TRAPPC9: variants seen among roughly 807,000 people sequenced by gnomAD.
TRAPPC9 encodes the protein IKK2 binding protein.
TRAPPC9 carries 83 observed loss-of-function variants against 124.0 expected under a neutral mutation model. That is an observed-to-expected ratio of 0.67 (90% CI 0.56 to 0.80). The LOEUF is 0.80. Ranked by LOEUF, TRAPPC9 falls within the 30% of genes least tolerant of loss-of-function variation. The pLI is 0.00. For missense variants in TRAPPC9, 1,302 were observed against 1,508.3 expected, an observed-to-expected ratio of 0.86 and a Z score of 2.27; for synonymous variants, 638 against 617.5, an observed-to-expected ratio of 1.03 and a Z score of -0.49.
chr8:140,128,785 C>G (rs1156446243), intron 17 of TRAPPC9, among the ~76,000 whole-genome samples: 1 of 152,094 alleles, frequency 6.6e-6, no homozygotes, highest in Non-Finnish European at 1.5e-5. Flanking sequence ...AGCCATTCTG[C>G]CTCAGTTACA....
chr8:140,217,570 T>C (rs1367510686), intron 17 of TRAPPC9, among the ~76,000 whole-genome samples: 3 of 150,984 alleles, frequency 2.0e-5, no homozygotes, highest in Non-Finnish European at 4.4e-5. Flanking sequence ...CAAATAAATA[T>C]ACCCCCTACA....
At chr8:139,935,710 C>T (rs1443605072) in intron 19 of TRAPPC9, among the ~76,000 whole-genome samples, 4 of 138,632 alleles carry the variant, frequency 2.9e-5, no homozygotes, top group Non-Finnish European at 6.1e-5. Context: ...CTAAGCTCAA[C>T]TTATTTGCCG....
intron 2 of TRAPPC9, among the ~76,000 whole-genome samples, chr8:140,441,525 A>T (rs1227686101): frequency 6.6e-6 from 1 of 152,196 alleles, no homozygotes; most frequent in Non-Finnish European, 1.5e-5. Flanking sequence ...AAAGCATCCT[A>T]AAGAAGTAAA....
intron 19 of TRAPPC9, among the ~76,000 whole-genome samples, chr8:139,919,352 G>C (rs73725322): frequency 0.042 from 6,332 of 152,222 alleles, 306 homozygotes; most frequent in African/African-American, 0.12. Context: ...CACATAATTG[G>C]TGCTCAAAAC....
chr8:139,887,480 T>C (rs1460253281), intron 20 of TRAPPC9, among the ~76,000 whole-genome samples: 1 of 152,226 alleles, frequency 6.6e-6, no homozygotes, highest in Non-Finnish European at 1.5e-5. Context: ...CATTTTGGCC[T>C]CCCAAAGTGT....
At chr8:139,802,254 A>G (rs1447537110) in intron 21 of TRAPPC9, among the ~76,000 whole-genome samples, 1 of 152,150 alleles carries the variant, frequency 6.6e-6, no homozygotes, top group African/African-American at 2.4e-5. Flanking sequence ...GGCGCAGGAG[A>G]GACCAGCAAG....
chr8:140,169,759 G>A (rs890310010), intron 17 of TRAPPC9, among the ~76,000 whole-genome samples: 3 of 151,944 alleles, frequency 2.0e-5, no homozygotes, highest in Admixed American at 1.3e-4. Context: ...AGCCGGGGTC[G>A]GGAGGAGGAG....
chr8:140,173,994 G>C (rs1330193397), intron 17 of TRAPPC9, among the ~76,000 whole-genome samples: 1 of 152,168 alleles, frequency 6.6e-6, no homozygotes, highest in African/African-American at 2.4e-5. Context: ...CATGGCAGAT[G>C]ACACACGGCA....
intron 17 of TRAPPC9, among the ~76,000 whole-genome samples, chr8:140,090,219 T>C (rs1241328978): frequency 6.6e-6 from 1 of 152,322 alleles, no homozygotes. Flanking sequence ...TTTGAGTGTG[T>C]CTGTATGAAT....
At chr8:140,194,332 C>T (rs1273351187) in intron 17 of TRAPPC9, among the ~76,000 whole-genome samples, 1 of 152,048 alleles carries the variant, frequency 6.6e-6, no homozygotes, top group Non-Finnish European at 1.5e-5. Flanking sequence ...TGCTCAAGTC[C>T]CTGATATAAA....
intron 5 of TRAPPC9, among the ~76,000 whole-genome samples, chr8:140,415,334 A>C (rs1180408275): frequency 6.6e-6 from 1 of 152,118 alleles, no homozygotes; most frequent in Non-Finnish European, 1.5e-5. Context: ...TGGCCAGATC[A>C]CTTGCGGTCA....
chr8:140,091,549 G>C (rs1219573743), intron 17 of TRAPPC9, among the ~76,000 whole-genome samples: 1 of 152,290 alleles, frequency 6.6e-6, no homozygotes, highest in East Asian at 1.9e-4. Flanking sequence ...ACTACCAAGG[G>C]TATTTCCTGT....
At chr8:139,757,510 G>T (rs530084427) in intron 21 of TRAPPC9, among the ~76,000 whole-genome samples, 8 of 151,950 alleles carry the variant, frequency 5.3e-5, no homozygotes, top group South Asian at 2.1e-4. Context: ...CAGATCACAG[G>T]AGGAGCCAGG....
intron 17 of TRAPPC9, among the ~76,000 whole-genome samples, chr8:140,090,967 G>A (rs1031097496): frequency 6.6e-6 from 1 of 152,218 alleles, no homozygotes; most frequent in African/African-American, 2.4e-5. Context: ...CGCTCCCAGT[G>A]CTACAAAAAT....
At chr8:139,944,090 AG>A (rs997775663) in intron 19 of TRAPPC9, among the ~76,000 whole-genome samples, 1 of 152,246 alleles carries the variant, frequency 6.6e-6, no homozygotes, top group Non-Finnish European at 1.5e-5. Flanking sequence ...AATAAGGGAA[AG>A]GAACTTTCAA....
chr8:139,875,007 T>A (rs1168396818), intron 21 of TRAPPC9, among the ~76,000 whole-genome samples: 10 of 152,232 alleles, frequency 6.6e-5, no homozygotes. Context: ...ACGCTGGAAG[T>A]TACGCCTTCC....
intron 9 of TRAPPC9, among the ~76,000 whole-genome samples, chr8:140,328,452 T>C (rs945229489): frequency 2.6e-5 from 4 of 151,798 alleles, no homozygotes; most frequent in African/African-American, 9.7e-5. Flanking sequence ...TGGATGAGAC[T>C]GGAAACTATC....
chr8:140,420,876 C>T (rs1268710688), intron 5 of TRAPPC9, among the ~76,000 whole-genome samples: 3 of 151,824 alleles, frequency 2.0e-5, no homozygotes, highest in Admixed American at 2.0e-4. Context: ...CAATGAAAAC[C>T]CAACAAACAA....
intron 2 of TRAPPC9, among the ~76,000 whole-genome samples, chr8:140,448,838 A>G (rs1310647994): frequency 6.6e-6 from 1 of 152,194 alleles, no homozygotes; most frequent in East Asian, 1.9e-4. Flanking sequence ...GGCCTCAGAG[A>G]CAGACCTGGT....
Sources: allele counts gnomAD v4.1 joint callset (sites outside exome capture counted in the v4.1 genomes callset), GRCh38; gene constraint gnomAD v4.1.1; transcripts MANE v1.5; gene names NCBI Gene and HGNC (gene_info 2026-07-23, HGNC 2026-07-21).